The following NDUFAF2 variants were observed in gnomAD, a reference collection of about 807,000 sequenced individuals.
The protein encoded by NDUFAF2 is NADH:ubiquinone oxidoreductase complex assembly factor 2.
A neutral mutation model predicts 22.8 loss-of-function variants in NDUFAF2; 13 were observed. The ratio of observed to expected loss-of-function variants is 0.57; its 90% confidence interval spans 0.37 to 0.91. NDUFAF2 has a LOEUF of 0.91. NDUFAF2 is among the 40% of genes least tolerant of loss of function. The pLI is 0.01. For missense variants in NDUFAF2, 162 were observed against 195.2 expected (o/e 0.83, Z 1.01); for synonymous variants, 53 against 64.2 (o/e 0.83, Z 0.84).
At chr5:61,122,877 T>A (rs964928108) in intron 3 of NDUFAF2, among the ~76,000 whole-genome samples, 4 of 152,152 alleles carry the variant, frequency 2.6e-5, no homozygotes, top group Non-Finnish European at 5.9e-5. Context: ...ACAGAATATA[T>A]TTTGCTTTCT....
chr5:61,075,316 T>A (rs1752353588), intron 2 of NDUFAF2, among the ~76,000 whole-genome samples: 1 of 152,088 alleles, frequency 6.6e-6, no homozygotes, highest in East Asian at 1.9e-4. Flanking sequence ...TTTCCATTTC[T>A]GCTTACTACT....
intron 3 of NDUFAF2, among the ~76,000 whole-genome samples, chr5:61,152,291 GA>G (rs534580482): frequency 0.05 from 6,696 of 134,880 alleles, 178 homozygotes; most frequent in South Asian, 0.089. Flanking sequence ...GAATGGCAAA[GA>G]AAAAAAAAAA....
intron 3 of NDUFAF2, among the ~76,000 whole-genome samples, chr5:61,128,088 A>G (rs1436206272): frequency 6.6e-6 from 1 of 152,192 alleles, no homozygotes; most frequent in Non-Finnish European, 1.5e-5. Flanking sequence ...TCCAACTTAC[A>G]AGGGATGTGA....
At chr5:61,017,758 G>GTT (rs34069492) in intron 1 of NDUFAF2, among the ~76,000 whole-genome samples, 18 of 150,032 alleles carry the variant, frequency 1.2e-4, no homozygotes, top group African/African-American at 2.4e-4. Flanking sequence ...ATTTATTTAT[G>GTT]TTTTTTTTTG....
chr5:61,034,270 C>T (rs1018876650), intron 1 of NDUFAF2, among the ~76,000 whole-genome samples: 2 of 152,112 alleles, frequency 1.3e-5, no homozygotes, highest in African/African-American at 4.8e-5. Context: ...CTAACTAGTA[C>T]AGTTATGTGT....
At chr5:61,035,826 T>C (rs1751793703) in intron 1 of NDUFAF2, among the ~76,000 whole-genome samples, 1 of 152,168 alleles carries the variant, frequency 6.6e-6, no homozygotes, top group Non-Finnish European at 1.5e-5. Context: ...GTCTAGAGCA[T>C]ATGATGAGTC....
chr5:61,006,550 G>A (rs999719418), intron 1 of NDUFAF2, among the ~76,000 whole-genome samples: 3 of 152,070 alleles, frequency 2.0e-5, no homozygotes, highest in Admixed American at 6.6e-5. Context: ...CCATTTTCAC[G>A]ATATTGATTC....
intron 1 of NDUFAF2, among the ~76,000 whole-genome samples, chr5:61,016,732 C>T (rs1286560895): frequency 6.6e-6 from 1 of 152,134 alleles, no homozygotes; most frequent in East Asian, 1.9e-4. Flanking sequence ...TTTTAATCAT[C>T]TGAATGTCAT....
chr5:61,016,861 A>G (rs1284809094), intron 1 of NDUFAF2, among the ~76,000 whole-genome samples: 6 of 152,170 alleles, frequency 3.9e-5, no homozygotes, highest in Admixed American at 3.9e-4. Flanking sequence ...TTGACCTCTC[A>G]TTGTACCCTT....
At chr5:61,052,561 C>T (rs530447053) in intron 1 of NDUFAF2, among the ~76,000 whole-genome samples, 4 of 152,278 alleles carry the variant, frequency 2.6e-5, no homozygotes, top group Admixed American at 6.5e-5. Context: ...CCGCCCGCCT[C>T]GGCCTCCCAA....
chr5:61,105,885 G>A (rs1432483344), intron 3 of NDUFAF2, among the ~76,000 whole-genome samples: 2 of 151,380 alleles, frequency 1.3e-5, no homozygotes, highest in Non-Finnish European at 2.9e-5. Context: ...AGAGGTAATG[G>A]ATTTAGTGAA....
intron 3 of NDUFAF2, among the ~76,000 whole-genome samples, chr5:61,128,273 T>C (rs1411387303): frequency 6.6e-6 from 1 of 150,444 alleles, no homozygotes; most frequent in African/African-American, 2.5e-5. Context: ...CCAATGACTT[T>C]CTTCACAGAA....
Position 61,078,959 on chromosome 5 carries a change from A to C in NDUFAF2, c.217+5745A>C, listed in dbSNP as rs895239076. 2.0e-5 allele frequency among the ~76,000 whole-genome samples: 3 copies of C among 152,076 alleles called. No individual in the cohort carries two copies. In the South Asian group the frequency reaches 6.2e-4, roughly 32 times the overall value. Reference sequence around the variant, plus strand: ...TTTGTTATTTTTCTTGTTTTTGGTAAGTTTAAGCTTGTTTCGTGTTAACAG... The same window carrying C: ...TTTGTTATTTTTCTTGTTTTTGGTACGTTTAAGCTTGTTTCGTGTTAACAG... On this transcript the variant is annotated intron_variant, in intron 2 of 3. Coordinates refer to ENST00000296597, the MANE Select transcript of NDUFAF2 (RefSeq NM_174889.5).
chr5:61,122,988 G>T (rs1481096695), intron 3 of NDUFAF2, among the ~76,000 whole-genome samples: 1 of 152,086 alleles, frequency 6.6e-6, no homozygotes, highest in Non-Finnish European at 1.5e-5. Flanking sequence ...CAAGGGGATA[G>T]AAGCTAATGG....
At chr5:61,071,954 T>A (rs930704282) in intron 1 of NDUFAF2, among the ~76,000 whole-genome samples, 1 of 152,254 alleles carries the variant, frequency 6.6e-6, no homozygotes, top group Non-Finnish European at 1.5e-5. Context: ...ATGCCTTCTG[T>A]ATAAACTTAA....
At chr5:60,979,733 G>A (rs1750951073) in intron 1 of NDUFAF2, among the ~76,000 whole-genome samples, 1 of 152,200 alleles carries the variant, frequency 6.6e-6, no homozygotes, top group African/African-American at 2.4e-5. Flanking sequence ...AAGGCCAGGA[G>A]CAACTTGCTC....
At chr5:61,015,861 A>C (rs1282069149) in intron 1 of NDUFAF2, among the ~76,000 whole-genome samples, 1 of 152,198 alleles carries the variant, frequency 6.6e-6, no homozygotes. Context: ...ATATTTTAAC[A>C]ATTAGATGTG....
At chr5:60,999,003 G>A (rs925568351) in intron 1 of NDUFAF2, among the ~76,000 whole-genome samples, 3 of 151,684 alleles carry the variant, frequency 2.0e-5, no homozygotes, top group Non-Finnish European at 2.9e-5. Context: ...AGGCTTTCAG[G>A]GTAAATGTTT....
chr5:61,089,533 C>T (rs930122371), intron 2 of NDUFAF2, among the ~76,000 whole-genome samples: 8 of 152,052 alleles, frequency 5.3e-5, no homozygotes, highest in South Asian at 4.1e-4. Context: ...TGAGCATTTC[C>T]GGCTGTAGCC....
Sources: allele counts gnomAD v4.1 joint callset (sites outside exome capture counted in the v4.1 genomes callset), GRCh38; gene constraint gnomAD v4.1.1; transcripts MANE v1.5; gene names NCBI Gene and HGNC (gene_info 2026-07-23, HGNC 2026-07-21).